The following RALYL variants were observed in gnomAD, a reference collection of about 807,000 sequenced individuals.
RALYL encodes RALY RNA binding protein like.
Under a neutral mutation model 35.1 loss-of-function variants are expected in RALYL, and 29 were observed. The ratio of observed to expected loss-of-function variants is 0.83; its 90% CI spans 0.61 to 1.13. The LOEUF (loss-of-function observed/expected upper bound fraction) is 1.13, where lower values mean the gene tolerates loss of function less well. Ranked by LOEUF, RALYL falls within the 50% of genes most tolerant of loss-of-function variation. RALYL has a pLI of 0.00. For synonymous variants in RALYL, 120 were observed against 127.6 expected (o/e 0.94, Z 0.40); for missense variants, 359 against 360.4 (o/e 1.00, Z 0.03).
chr8:84,458,130 CATTT>C (rs1346726059), intron 1 of RALYL, among the ~76,000 whole-genome samples: 3 of 151,830 alleles, frequency 2.0e-5, no homozygotes. Context: ...TTAATTCTTT[CATTT>C]GTCAGGAAAT....
At chr8:84,811,933 G>A (rs1825995188) in intron 4 of RALYL, among the ~76,000 whole-genome samples, 1 of 151,866 alleles carries the variant, frequency 6.6e-6, no homozygotes, top group Admixed American at 6.6e-5. Flanking sequence ...TCCTTGCATT[G>A]GGCTTTGCCT....
At position 84,335,095 on chromosome 8, in the gene RALYL, T is replaced by A. The variant is rs373255641; in HGVS notation, c.-24+150671T>A. 4.6e-5 allele frequency among the ~76,000 whole-genome samples: 7 copies of A among 152,288 alleles called. No individual in the cohort carries two copies. In the East Asian group the frequency reaches 7.7e-4, roughly 17 times the overall value. On this transcript the variant is annotated intron_variant, in intron 1 of 8. Coordinates refer to ENST00000521268, the MANE Select transcript of RALYL (RefSeq NM_173848.7). The stretch of plus-strand genomic sequence containing the variant: ...GGGAGAGGCAGGAGGGAGGGTGAGC[T>A]ACACATCACTGTTGTTGCAGTGGCT...
chr8:84,464,590 G>C (rs1448105283), intron 1 of RALYL, among the ~76,000 whole-genome samples: 5 of 149,614 alleles, frequency 3.3e-5, no homozygotes, highest in Non-Finnish European at 7.4e-5. Flanking sequence ...GAATAATGCC[G>C]CAATAAACAT....
intron 1 of RALYL, among the ~76,000 whole-genome samples, chr8:84,206,622 G>A (rs1452595118): frequency 6.6e-6 from 1 of 152,136 alleles, no homozygotes. Context: ...TTGAGGAATA[G>A]TTAGGAATGA....
intron 1 of RALYL, among the ~76,000 whole-genome samples, chr8:84,426,469 T>G (rs1489328405): frequency 1.0e-4 from 15 of 147,842 alleles, no homozygotes; most frequent in Non-Finnish European, 2.1e-4. Context: ...TGTGTGTGTG[T>G]GTGTGGGTTT....
At chr8:84,519,376 A>T (rs1358714099) in intron 1 of RALYL, among the ~76,000 whole-genome samples, 1 of 152,192 alleles carries the variant, frequency 6.6e-6, no homozygotes, top group Non-Finnish European at 1.5e-5. Flanking sequence ...ACAAAGTCTT[A>T]GCAGTTTGTA....
chr8:84,807,697 T>C (rs1210615811), intron 4 of RALYL, among the ~76,000 whole-genome samples: 1 of 152,200 alleles, frequency 6.6e-6, no homozygotes, highest in African/African-American at 2.4e-5. Flanking sequence ...GATTTTTTGA[T>C]TATGGCCATT....
At chr8:84,514,699 G>A (rs1036374160) in intron 1 of RALYL, among the ~76,000 whole-genome samples, 1 of 152,116 alleles carries the variant, frequency 6.6e-6, no homozygotes, top group Non-Finnish European at 1.5e-5. Flanking sequence ...TACAAATTTT[G>A]AAGAGACACA....
chr8:84,278,540 G>A (rs946149366), intron 1 of RALYL, among the ~76,000 whole-genome samples: 1 of 152,126 alleles, frequency 6.6e-6, no homozygotes, highest in Non-Finnish European at 1.5e-5. Flanking sequence ...CTATTGCATT[G>A]TCAGGTGCCC....
intron 1 of RALYL, among the ~76,000 whole-genome samples, chr8:84,351,669 G>T (rs1197303850): frequency 6.7e-6 from 1 of 148,752 alleles, no homozygotes; most frequent in Non-Finnish European, 1.5e-5. Flanking sequence ...GTCCTTGTTA[G>T]GTCTCTTAAG....
chr8:84,780,919 C>T (rs564400925), intron 3 of RALYL, among the ~76,000 whole-genome samples: 11 of 152,114 alleles, frequency 7.2e-5, no homozygotes, highest in Admixed American at 7.2e-4. Context: ...GAACAGTGGG[C>T]GTGATCTCAG....
At chr8:84,375,434 T>A (rs1264323208) in intron 1 of RALYL, among the ~76,000 whole-genome samples, 2 of 151,832 alleles carry the variant, frequency 1.3e-5, no homozygotes, top group African/African-American at 4.8e-5. Flanking sequence ...GAGAGCACAT[T>A]CTGATGTTTA....
At chr8:84,403,512 G>T (rs1191953841) in intron 1 of RALYL, among the ~76,000 whole-genome samples, 1 of 107,600 alleles carries the variant, frequency 9.3e-6, no homozygotes, top group Non-Finnish European at 1.9e-5. Flanking sequence ...TGTTCCATTG[G>T]TCTATATCTC....
chr8:84,552,953 A>G (rs1244581877), intron 2 of RALYL, among the ~76,000 whole-genome samples: 1 of 152,150 alleles, frequency 6.6e-6, no homozygotes, highest in Non-Finnish European at 1.5e-5. Flanking sequence ...TAGGGGTTGA[A>G]TGGGCGCAAG....
chr8:84,424,464 A>G (rs2046088940), intron 1 of RALYL, among the ~76,000 whole-genome samples: 1 of 143,426 alleles, frequency 7.0e-6, no homozygotes, highest in Non-Finnish European at 1.5e-5. Context: ...AATTTTTTTC[A>G]AAGTTTTCAA....
intron 2 of RALYL, among the ~76,000 whole-genome samples, chr8:84,558,712 GA>G (rs1221470470): frequency 1.3e-5 from 2 of 152,064 alleles, no homozygotes; most frequent in Non-Finnish European, 2.9e-5. Context: ...CGCTGGAGAG[GA>G]AAAGTTCTCC....
At chr8:84,377,126 A>G (rs1857057370) in intron 1 of RALYL, among the ~76,000 whole-genome samples, 1 of 151,996 alleles carries the variant, frequency 6.6e-6, no homozygotes, top group Admixed American at 6.6e-5. Context: ...TTATTAAAAA[A>G]TTTTACATGT....
intron 1 of RALYL, among the ~76,000 whole-genome samples, chr8:84,497,262 T>G (rs953906927): frequency 2.0e-5 from 3 of 152,162 alleles, no homozygotes; most frequent in Non-Finnish European, 4.4e-5. Flanking sequence ...ATCTGCAAGG[T>G]CTTTTATGAG....
At chr8:84,221,320 G>C (rs1822158200) in intron 1 of RALYL, among the ~76,000 whole-genome samples, 1 of 151,766 alleles carries the variant, frequency 6.6e-6, no homozygotes, top group South Asian at 2.1e-4. Flanking sequence ...CGTGCAAAGA[G>C]AAAGAACTGC....
Sources: gnomAD v4.1 joint callset for allele counts (sites outside exome capture counted in the v4.1 genomes callset) on GRCh38, gnomAD v4.1.1 for gene constraint, MANE v1.5 for transcripts, NCBI Gene and HGNC (gene_info 2026-07-23, HGNC 2026-07-21) for gene names.